The following CYTH1 variants were observed in gnomAD, a reference collection of about 807,000 sequenced individuals.
CYTH1 encodes the protein cytohesin 1.
CYTH1 carries 18 observed loss-of-function variants against 61.8 expected under a neutral mutation model. The observed-to-expected ratio is 0.29, with a 90% CI of 0.20 to 0.43. CYTH1 has a LOEUF of 0.43. CYTH1 is among the 20% of genes least tolerant of loss of function. CYTH1 has a pLI of 1.00. For synonymous variants in CYTH1, 174 were observed against 184.3 expected, an observed-to-expected ratio of 0.94 and a Z score of 0.45; for missense variants, 336 against 510.5, an observed-to-expected ratio of 0.66 and a Z score of 3.29.
At chr17:78,721,888 A>C (rs969505731) in intron 1 of CYTH1, among the ~76,000 whole-genome samples, 4 of 152,108 alleles carry the variant, frequency 2.6e-5, no homozygotes, top group African/African-American at 7.2e-5. Flanking sequence ...TCTACCAAAA[A>C]TATACAAAAT....
chr17:78,719,610 T>C (rs2093211245), intron 1 of CYTH1, among the ~76,000 whole-genome samples: 1 of 152,178 alleles, frequency 6.6e-6, no homozygotes, highest in African/African-American at 2.4e-5. Context: ...GGGATAAGAA[T>C]GCAACCAAAA....
intron 11 of CYTH1, among the ~76,000 whole-genome samples, chr17:78,690,286 C>T (rs2092866164): frequency 2.0e-5 from 3 of 150,728 alleles, no homozygotes; most frequent in South Asian, 4.2e-4. Context: ...CCCAGCTACT[C>T]CGGAGGCCGA....
At chr17:78,775,926 G>A (rs1359507391) in intron 1 of CYTH1, among the ~76,000 whole-genome samples, 1 of 152,058 alleles carries the variant, frequency 6.6e-6, no homozygotes, top group Non-Finnish European at 1.5e-5. Context: ...AGGCTGAAGT[G>A]GGCAAATCAC....
rs1208400340 is a variant in CYTH1, at chr17:78,760,546, T to C, written c.22+21656A>G. On this transcript the variant is annotated intron_variant, in intron 1 of 13. Transcript: ENST00000446868. The stretch of plus-strand genomic sequence containing the variant: ...ATATATATATACATACATATATATG[T>C]ATATATATATGTATATATATATACA... Among the ~76,000 whole-genome samples, 12 of 42,038 alleles carry C rather than the reference T, an allele frequency of 2.9e-4. 1 individual carries two copies. The highest frequency in any genetic ancestry group is 2.4e-3 in the East Asian group (5 of 2,092). 27.6% of individuals were successfully genotyped at this position (42,038 alleles called of 152,430 possible).
intron 1 of CYTH1, among the ~76,000 whole-genome samples, chr17:78,770,053 G>A (rs1320289596): frequency 1.3e-5 from 2 of 151,992 alleles, no homozygotes; most frequent in African/African-American, 4.8e-5. Context: ...GGGAAGCTGA[G>A]GCAGGAGAAT....
At chr17:78,702,313 G>A (rs998546995) in intron 4 of CYTH1, 73 bp from the exon 5 acceptor site, 3 of 1,259,466 alleles carry the variant, frequency 2.4e-6, no homozygotes, top group Non-Finnish European at 3.5e-6. Context: ...AAGGGCACAG[G>A]AAGAAATGGG....
At chr17:78,780,540 A>C (rs1422998682) in intron 1 of CYTH1, among the ~76,000 whole-genome samples, 7 of 151,996 alleles carry the variant, frequency 4.6e-5, no homozygotes, top group African/African-American at 1.7e-4. Flanking sequence ...ACAAACAACA[A>C]AAAAATGCAC....
chr17:78,734,403 AATGT>A (rs2093310233), intron 1 of CYTH1, among the ~76,000 whole-genome samples: 1 of 3,074 alleles, frequency 3.3e-4, no homozygotes, highest in Non-Finnish European at 5.1e-4. Context: ...TGTATGTACC[AATGT>A]ACCAATGTAC....
At chr17:78,780,973 G>A (rs1160945425) in intron 1 of CYTH1, among the ~76,000 whole-genome samples, 1 of 151,988 alleles carries the variant, frequency 6.6e-6, no homozygotes, top group Non-Finnish European at 1.5e-5. Context: ...TGGCGCCACT[G>A]CACTACAGCC....
At position 78,760,394 on chromosome 17, in the gene CYTH1, T is replaced by C. The variant is rs868521515; in HGVS notation, c.22+21808A>G. Among the ~76,000 whole-genome samples the C allele has an allele frequency of 6.6e-4, 32 of 48,270 alleles. 2 individuals carry two copies. The highest frequency in any genetic ancestry group is 1.3e-3 in the East Asian group (2 of 1,528). 31.7% of individuals were successfully genotyped at this position (48,270 alleles called of 152,430 possible). ...ATATATATATATATATACACACACA[T>C]ACATATATATATGTGTATATATATA... On this transcript the variant is annotated intron_variant, in intron 1 of 13. Coordinates refer to ENST00000446868, the MANE Select transcript of CYTH1 (RefSeq NM_004762.6).
chr17:78,717,602 TCTTTCCAAG>T lies in CYTH1; in HGVS notation c.23-7879_23-7871del, dbSNP rs534847519. Among the ~76,000 whole-genome samples the T allele has an allele frequency of 9.9e-5, 15 of 152,172 alleles. No homozygotes were observed. The highest frequency in any genetic ancestry group is 1.9e-4 in the Non-Finnish European group (13 of 68,040). On this transcript the variant is annotated intron_variant, in intron 1 of 13. Coordinates refer to ENST00000446868, the MANE Select transcript of CYTH1 (RefSeq NM_004762.6). This position sits in a 1 kb window ranked among gnomAD's most constrained non-coding sequence, Gnocchi z 4.4. ...GGACTGTCTTAAAGGGACAGAGCCC[TCTTTCCAAG>T]CCAGAGGACGATACATGAGCACACG...
At chr17:78,681,295 G>A (rs2092759822) in intron 11 of CYTH1, among the ~76,000 whole-genome samples, 2 of 152,210 alleles carry the variant, frequency 1.3e-5, no homozygotes, top group South Asian at 2.1e-4. Flanking sequence ...GAGTGTGGCC[G>A]GCAGTGACCC....
chr17:78,733,718 T>C (rs2093306676), intron 1 of CYTH1, among the ~76,000 whole-genome samples: 1 of 152,224 alleles, frequency 6.6e-6, no homozygotes, highest in African/African-American at 2.4e-5. Context: ...GAGCCAGAAC[T>C]TGAAGGACCA....
intron 9 of CYTH1, among the ~76,000 whole-genome samples, chr17:78,697,197 T>A (rs1041998883): frequency 6.6e-6 from 1 of 151,408 alleles, no homozygotes; most frequent in Non-Finnish European, 1.5e-5. Flanking sequence ...ACCAAGAGAG[T>A]ACTGACTTCT....
chr17:78,744,105 T>C (rs917324251), intron 1 of CYTH1, among the ~76,000 whole-genome samples: 21 of 152,214 alleles, frequency 1.4e-4, no homozygotes, highest in African/African-American at 4.8e-4. Context: ...GTGCTGCTTC[T>C]TGGTTGGTAT....
intron 13 of CYTH1, among the ~76,000 whole-genome samples, chr17:78,679,978 C>T (rs1026144547): frequency 2.0e-5 from 3 of 152,150 alleles, no homozygotes; most frequent in Non-Finnish European, 4.4e-5. Context: ...CGTGGGGAAC[C>T]CAGATGGGAC....
At chr17:78,728,389 T>C (rs1432725812) in intron 1 of CYTH1, among the ~76,000 whole-genome samples, 1 of 151,858 alleles carries the variant, frequency 6.6e-6, no homozygotes, top group African/African-American at 2.4e-5. Flanking sequence ...CTACTAAAAA[T>C]ACAAAATTAG....
chr17:78,699,068 T>TA (rs1307180918), intron 7 of CYTH1, 100 bp from the exon 8 acceptor site: 25 of 1,438,170 alleles, frequency 1.7e-5, no homozygotes, highest in Non-Finnish European at 2.2e-5. Flanking sequence ...AAATCAGGAA[T>TA]AAAAAACCAT....
At position 78,677,294 on chromosome 17, in the gene CYTH1, C is replaced by T. The variant is rs1340633598; in HGVS notation, c.1119-1125G>A. On this transcript the variant is annotated intron_variant, in intron 13 of 13. Coordinates refer to ENST00000446868, the MANE Select transcript of CYTH1 (RefSeq NM_004762.6). ...ACCCTTTCGGGTAAGCTGGGGGGTT[C>T]TGCAGAGAGGTGCGTGTGGCACTGC... 13 of 358,060 alleles carry T rather than the reference C, an allele frequency of 3.6e-5. No homozygotes were observed. In the Admixed American group the frequency reaches 4.8e-4, roughly 13 times the overall value. 22.2% of individuals were successfully genotyped at this position (358,060 alleles called of 1,614,324 possible). A position where few individuals can be genotyped will look rare whatever the true frequency, so the allele number is the denominator to read the frequency against.
Sources: gnomAD v4.1 joint callset for allele counts (sites outside exome capture counted in the v4.1 genomes callset) on GRCh38, gnomAD v4.1.1 for gene constraint, Gnocchi (gnomAD v3.1) non-coding constraint, MANE v1.5 for transcripts, NCBI Gene and HGNC (gene_info 2026-07-23, HGNC 2026-07-21) for gene names.